ZNF143: variants seen among roughly 807,000 people sequenced by gnomAD.
The protein encoded by ZNF143 is SPH-binding factor.
In ZNF143, 49 loss-of-function variants were observed where a neutral mutation model predicts 74.1. The observed-to-expected ratio is 0.66, with a 90% CI of 0.53 to 0.84. The LOEUF is 0.84. Ranked by LOEUF, ZNF143 falls within the 40% of genes least tolerant of loss-of-function variation. The pLI is 0.00. For synonymous variants in ZNF143, 304 were observed against 282.8 expected (o/e 1.07, Z -0.75); for missense variants, 637 against 793.4 (o/e 0.80, Z 2.37).
At chr11:9,509,806 C>T (rs1848476643) in intron 12 of ZNF143, among the ~76,000 whole-genome samples, 1 of 152,168 alleles carries the variant, frequency 6.6e-6, no homozygotes. Flanking sequence ...CTAGCCAGAA[C>T]ACTGTAAGTG....
intron 7 of ZNF143, among the ~76,000 whole-genome samples, chr11:9,492,283 A>G (rs527566161): frequency 6.6e-6 from 1 of 151,728 alleles, no homozygotes; most frequent in South Asian, 2.1e-4. Context: ...GCTAATTTTT[A>G]TAATTTTTAG....
intron 7 of ZNF143, among the ~76,000 whole-genome samples, chr11:9,481,545 T>G (rs1273926997): frequency 6.6e-6 from 1 of 152,142 alleles, no homozygotes; most frequent in African/African-American, 2.4e-5. Flanking sequence ...GTTCTCTGTC[T>G]TATTGGTAAC....
At chr11:9,464,405 A>G (rs1355471747) in intron 1 of ZNF143, among the ~76,000 whole-genome samples, 1 of 152,048 alleles carries the variant, frequency 6.6e-6, no homozygotes, top group Non-Finnish European at 1.5e-5. Flanking sequence ...ATTTGAGACC[A>G]GCCTGGCCAA....
At chr11:9,468,799 T>C (rs566690202) in intron 1 of ZNF143, among the ~76,000 whole-genome samples, 107 of 152,182 alleles carry the variant, frequency 7.0e-4, no homozygotes, top group African/African-American at 2.6e-3. Flanking sequence ...GTCCTGCCAC[T>C]GCAGTCCAGC....
intron 7 of ZNF143, among the ~76,000 whole-genome samples, chr11:9,482,302 GCT>G (rs1013877727): frequency 2.8e-5 from 3 of 108,990 alleles, no homozygotes; most frequent in African/African-American, 1.1e-4. Flanking sequence ...ACGGTGTCTC[GCT>G]CTGTCGCCCA....
intron 1 of ZNF143, among the ~76,000 whole-genome samples, chr11:9,469,477 C>T (rs1406374601): frequency 1.3e-5 from 2 of 151,782 alleles, no homozygotes; most frequent in South Asian, 2.1e-4. Context: ...GGTGATCCAC[C>T]CACCCTGGCC....
At chr11:9,492,391 T>G (rs534365805) in intron 7 of ZNF143, among the ~76,000 whole-genome samples, 1 of 151,082 alleles carries the variant, frequency 6.6e-6, no homozygotes, top group East Asian at 2.0e-4. Flanking sequence ...GGGATTACAG[T>G]CATGAGCCAC....
Position 9,474,609 on chromosome 11 carries a change from G to A in ZNF143, c.349G>A (p.Ala117Thr). 1 of 1,614,150 alleles carries A rather than the reference G, an allele frequency of 6.2e-7. No homozygotes were observed. Among genetic ancestry groups the A allele is most frequent in the Non-Finnish European group, 8.5e-7 (1 of 1,180,022 alleles). The change falls in exon 5 of 16, where the codon GCA becomes ACA. Residue 117 changes from alanine (A) to threonine (T), a missense_variant. By Grantham distance (58) the Ala-to-Thr change is moderately conservative (BLOSUM62 0). Around this residue, in one of 2 missense-constraint regions of ZNF143, gnomAD observed 293 missense variants for 307.8 expected, o/e 0.95. Coordinates refer to ENST00000396602, the MANE Select transcript of ZNF143 (RefSeq NM_003442.6). ...QAVQLEDGTT[A>T]FIHHTSKDSY... ...AGTACAGTTAGAAGATGGTACCACAGCATTTATTCACCACACCTCCAAAGG... is the reference window on the plus strand; with the variant it reads ...AGTACAGTTAGAAGATGGTACCACAACATTTATTCACCACACCTCCAAAGG...
Position 9,527,645 on chromosome 11 carries a change from G to C in ZNF143, c.*32G>C, listed in dbSNP as rs148983855. 2.5e-6 allele frequency: 4 copies of C among 1,592,576 alleles called. No individual in the cohort carries two copies. Among genetic ancestry groups the C allele is most frequent in the Non-Finnish European group, 3.4e-6 (4 of 1,161,972 alleles). On this transcript the variant is annotated 3_prime_UTR_variant, in exon 16 of 16. Coordinates refer to ENST00000396602, the MANE Select transcript of ZNF143 (RefSeq NM_003442.6). ...GAACAATGGAGCAATAAAGCAGAAG[G>C]AGTCTTTCATCTTCTGGCAGCAGAA...
chr11:9,483,288 C>CTTTTTTTTT lies in ZNF143; in HGVS notation c.645+3760_645+3768dup, dbSNP rs58704619. ...GGATTACAGGTGTGAGCCAACATGC[C>CTTTTTTTTT]TTTTTTTTTTTTTTTTTTTTTTTTT... On this transcript the variant is annotated intron_variant, in intron 7 of 15. Transcript: ENST00000396602. Among the ~76,000 whole-genome samples, 95 of 50,206 alleles carry CTTTTTTTTT rather than the reference C, an allele frequency of 1.9e-3. 28 individuals carry two copies. Among genetic ancestry groups the CTTTTTTTTT allele is most frequent in the Non-Finnish European group, 2.5e-3 (71 of 28,064 alleles). The allele number at this position is 50,206 out of a possible 152,430, so 32.9% of individuals were successfully genotyped here.
chr11:9,498,705 G>T (rs1305954700), intron 10 of ZNF143, among the ~76,000 whole-genome samples: 1 of 152,158 alleles, frequency 6.6e-6, no homozygotes, highest in African/African-American at 2.4e-5. Flanking sequence ...GATAAGAGAT[G>T]CTATTATAAG....
intron 11 of ZNF143, among the ~76,000 whole-genome samples, chr11:9,502,197 A>C (rs7938998): frequency 0.39 from 54,940 of 141,884 alleles, 11,454 homozygotes; most frequent in Admixed American, 0.51. Context: ...CGGCCTCTCA[A>C]AGTGCTGGGA....
At chr11:9,526,206 T>C (rs1849121003) in intron 15 of ZNF143, among the ~76,000 whole-genome samples, 1 of 151,760 alleles carries the variant, frequency 6.6e-6, no homozygotes, top group Admixed American at 6.6e-5. Flanking sequence ...ATACAAAAAT[T>C]AGCCAGGTGT....
chr11:9,476,415 C>G (rs922579300), intron 5 of ZNF143, among the ~76,000 whole-genome samples: 7 of 152,080 alleles, frequency 4.6e-5, no homozygotes, highest in Admixed American at 6.5e-5. Flanking sequence ...GCTCTGTTGC[C>G]AGGCTGGAGT....
intron 13 of ZNF143, among the ~76,000 whole-genome samples, chr11:9,513,992 C>G (rs571381626): frequency 1.3e-5 from 2 of 152,226 alleles, no homozygotes; most frequent in African/African-American, 4.8e-5. Context: ...CTCTGTTGCC[C>G]AGGGCAAAGT....
chr11:9,500,951 C>G lies in ZNF143; in HGVS notation c.968-140C>G, dbSNP rs11042395. 0.41 allele frequency: 392,336 copies of G among 963,812 alleles called. 84,315 individuals carry two copies. The highest frequency in any genetic ancestry group is 0.52 in the Middle Eastern group (1,622 of 3,106). The allele number at this position is 963,812 out of a possible 1,614,324, so 59.7% of individuals were successfully genotyped here. A position where few individuals can be genotyped will look rare whatever the true frequency, so the allele number is the denominator to read the frequency against. On this transcript the variant is annotated intron_variant, in intron 10 of 15. Transcript: ENST00000396602. ...GGAAGATGCTGTTTCCCCAACCCCC[C>G]CAAAAAAATGCCTGAAAGGGAAGCT...
In ZNF143 at chr11:9,465,666, ATTTTTTT is replaced by A. The variant is rs147781124; in HGVS notation, c.-8+4601_-8+4607del. ...AGGCGCCCGCCACCACGCCTGGCTA[ATTTTTTT>A]TTTTTTTTTTGTATTTTTGGTAGAG... is the stretch of plus-strand genomic sequence containing the variant. On this transcript the variant is annotated intron_variant, in intron 1 of 15. Transcript: ENST00000396602. Among the ~76,000 whole-genome samples, 9 of 129,406 alleles carry A rather than the reference ATTTTTTT, an allele frequency of 7.0e-5. No homozygotes were observed. In the South Asian group the frequency reaches 1.7e-3, roughly 25 times the overall value. 84.9% of individuals were successfully genotyped at this position (129,406 alleles called of 152,430 possible).
At chr11:9,491,205 C>T (rs1306099351) in intron 7 of ZNF143, among the ~76,000 whole-genome samples, 1 of 151,874 alleles carries the variant, frequency 6.6e-6, no homozygotes, top group African/African-American at 2.4e-5. Flanking sequence ...GACAACATAG[C>T]AAGACTCCAG....
At chr11:9,462,193 TTTAA>T (rs1337548949) in intron 1 of ZNF143, among the ~76,000 whole-genome samples, 7 of 152,164 alleles carry the variant, frequency 4.6e-5, no homozygotes, top group Admixed American at 1.3e-4. Flanking sequence ...ATTTTTTTTT[TTTAA>T]TTGTCAGTGT....
Sources: allele counts gnomAD v4.1 joint callset (sites outside exome capture counted in the v4.1 genomes callset), GRCh38; gene constraint gnomAD v4.1.1; regional missense constraint gnomAD v4.1.1; transcripts MANE v1.5; gene names NCBI Gene and HGNC (gene_info 2026-07-23, HGNC 2026-07-21).